Variants in DOCK1 observed in about 807,000 individuals in gnomAD.
The protein encoded by DOCK1 is dedicator of cytokinesis 1.
In DOCK1, 138 loss-of-function variants were observed where a neutral mutation model predicts 262.7. That is an observed-to-expected ratio of 0.53 (90% confidence interval 0.46 to 0.61). DOCK1 has a LOEUF of 0.61. Among genes scored for constraint, DOCK1 ranks in the 20% least tolerant of loss-of-function variants. The pLI is 0.00. For synonymous variants in DOCK1, 866 were observed against 867.4 expected (o/e 1.00, Z 0.03); for missense variants, 1,908 against 2,370.7 (o/e 0.80, Z 4.05).
intron 1 of DOCK1, among the ~76,000 whole-genome samples, chr10:126,956,692 G>A (rs1000478214): frequency 6.6e-6 from 1 of 152,182 alleles, no homozygotes; most frequent in Non-Finnish European, 1.5e-5. Context: ...ACTCACCAGG[G>A]ACCCCTTTGC....
chr10:127,196,541 C>T (rs1020400258), intron 27 of DOCK1, among the ~76,000 whole-genome samples: 11 of 147,080 alleles, frequency 7.5e-5, no homozygotes, highest in South Asian at 4.2e-4. Flanking sequence ...CGCCCCAAGC[C>T]GCGCGCCTGC....
intron 29 of DOCK1, among the ~76,000 whole-genome samples, chr10:127,300,592 T>A (rs910669166): frequency 6.6e-6 from 1 of 152,268 alleles, no homozygotes; most frequent in Non-Finnish European, 1.5e-5. Flanking sequence ...CCAGTCATGC[T>A]AGTATCAAAA....
intron 29 of DOCK1, among the ~76,000 whole-genome samples, chr10:127,322,311 T>TC: frequency 2.0e-5 from 3 of 150,458 alleles, no homozygotes; most frequent in Middle Eastern, 3.4e-3. Flanking sequence ...CGCCTTAGCC[T>TC]CCTAAGTAGC....
At chr10:126,933,649 A>G (rs969601786) in intron 1 of DOCK1, among the ~76,000 whole-genome samples, 30 of 152,112 alleles carry the variant, frequency 2.0e-4, no homozygotes, top group Non-Finnish European at 2.9e-4. Flanking sequence ...ACATACATGC[A>G]GGGCAAACGG....
intron 1 of DOCK1, among the ~76,000 whole-genome samples, chr10:126,949,251 A>G (rs1024157816): frequency 6.6e-6 from 1 of 152,104 alleles, no homozygotes; most frequent in Non-Finnish European, 1.5e-5. Flanking sequence ...GCTCTCCTGC[A>G]GCCCTCTCCC....
chr10:127,047,041 G>A (rs761694302), intron 21 of DOCK1, among the ~76,000 whole-genome samples: 2 of 152,138 alleles, frequency 1.3e-5, no homozygotes, highest in African/African-American at 2.4e-5. Flanking sequence ...TTTGGGTGGC[G>A]GATATTCTTC....
chr10:127,127,997 AGACATGTATTTTCTGCT>A, intron 27 of DOCK1: 1 of 324,280 alleles, frequency 3.1e-6, no homozygotes, highest in Non-Finnish European at 5.6e-6. Flanking sequence ...TTATAGCAAA[AGACATGTATTTTCTGCT>A]GAGTCGTCAT....
intron 23 of DOCK1, among the ~76,000 whole-genome samples, chr10:127,095,233 T>C (rs2047837259): frequency 1.3e-5 from 2 of 152,182 alleles, no homozygotes; most frequent in African/African-American, 2.4e-5. Context: ...TCGTGCTTTT[T>C]GCTACGTGGT....
At chr10:127,204,534 G>A (rs533276263) in intron 27 of DOCK1, among the ~76,000 whole-genome samples, 67 of 152,166 alleles carry the variant, frequency 4.4e-4, no homozygotes, top group Middle Eastern at 3.4e-3. Context: ...CAATCCACCT[G>A]CCTCAGTCTC....
chr10:127,230,842 G>C (rs2058815573), intron 27 of DOCK1, among the ~76,000 whole-genome samples: 1 of 151,772 alleles, frequency 6.6e-6, no homozygotes, highest in South Asian at 2.1e-4. Flanking sequence ...TAATTTTAGT[G>C]AAAAATGTCA....
intron 29 of DOCK1, among the ~76,000 whole-genome samples, chr10:127,288,519 G>A (rs1169882674): frequency 6.6e-6 from 1 of 151,602 alleles, no homozygotes; most frequent in Non-Finnish European, 1.5e-5. Context: ...GTAAAGTAAG[G>A]AAATACATTT....
intron 10 of DOCK1, chr10:127,007,357 C>T (rs996675155): frequency 6.6e-6 from 1 of 152,138 alleles, no homozygotes; most frequent in Non-Finnish European, 1.5e-5. Flanking sequence ...GGAAAATTTT[C>T]AATATATGAT....
rs751759224 is a variant in DOCK1, at chr10:127,451,383, A to G, written c.5617A>G (p.Thr1873Ala). 1 of 1,600,064 alleles carries G rather than the reference A, an allele frequency of 6.2e-7. No homozygotes were observed. The highest frequency in any genetic ancestry group is 1.7e-5 in the Admixed American group (1 of 58,370). Residue 1873 changes from threonine to alanine, a missense_variant, in exon 52 of 52, where the codon ACA becomes GCA. Coordinates refer to ENST00000623213, the MANE Select transcript of DOCK1 (RefSeq NM_001290223.2). Reference sequence around the variant, plus strand: ...AACTCCGCCTCCTCCCCCTCCAAAGACAACTCGCAAGCAGGCATCGGTGGA... The same window carrying G: ...AACTCCGCCTCCTCCCCCTCCAAAGGCAACTCGCAAGCAGGCATCGGTGGA... The part of the protein sequence containing the change: ...SKTPPPPPPK[T>A]TRKQASVDSG...
intron 1 of DOCK1, among the ~76,000 whole-genome samples, chr10:126,909,540 TCATTGAAGGTAGTGAACC>T (rs1314758431): frequency 6.6e-6 from 1 of 152,146 alleles, no homozygotes; most frequent in Non-Finnish European, 1.5e-5. Flanking sequence ...GTTACTAAGT[TCATTGAAGGTAGTGAACC>T]CAAGTGTGCT....
chr10:127,025,120 G>T (rs1216221285), intron 15 of DOCK1: 1 of 177,684 alleles, frequency 5.6e-6, no homozygotes, highest in Non-Finnish European at 1.2e-5. Context: ...GCCTGTGGAG[G>T]TCATTGCTGG....
intron 31 of DOCK1, among the ~76,000 whole-genome samples, chr10:127,345,681 A>T (rs2063600088): frequency 6.6e-6 from 1 of 152,216 alleles, no homozygotes; most frequent in Admixed American, 6.5e-5. Flanking sequence ...GGCACGCAGC[A>T]GCTGCAGCCC....
chr10:127,373,984 A>G, intron 34 of DOCK1, 74 bp from the exon 35 acceptor site: 1 of 1,535,018 alleles, frequency 6.5e-7, no homozygotes, highest in Non-Finnish European at 8.8e-7. Context: ...ATAATGGAAA[A>G]TAGTTAAAAT....
chr10:127,063,191 G>A (rs760205322), intron 23 of DOCK1, among the ~76,000 whole-genome samples: 1 of 152,214 alleles, frequency 6.6e-6, no homozygotes, highest in Non-Finnish European at 1.5e-5. Context: ...CATGGTAGAC[G>A]CCTCTGTTCT....
At chr10:127,099,762 C>T (rs965516802) in intron 23 of DOCK1, among the ~76,000 whole-genome samples, 2 of 152,316 alleles carry the variant, frequency 1.3e-5, no homozygotes, top group Admixed American at 1.3e-4. Context: ...CTGGGGATCA[C>T]GTTTCAGCAT....
Sources: allele counts gnomAD v4.1 joint callset (sites outside exome capture counted in the v4.1 genomes callset), GRCh38; gene constraint gnomAD v4.1.1; transcripts MANE v1.5; gene names NCBI Gene and HGNC (gene_info 2026-07-23, HGNC 2026-07-21).